The following SYN3 variants were observed in gnomAD, a reference collection of about 807,000 sequenced individuals.
The protein encoded by SYN3 is synapsin III, also known as synapsin-3.
SYN3 carries 35 observed loss-of-function variants against 65.8 expected under a neutral mutation model. The observed-to-expected ratio is 0.53, with a 90% CI of 0.41 to 0.70. SYN3 has a LOEUF of 0.70. Ranked by LOEUF, SYN3 falls within the 30% of genes least tolerant of loss-of-function variation. The pLI is 0.00. For synonymous variants in SYN3, 270 were observed against 292.9 expected, an observed-to-expected ratio of 0.92 and a Z score of 0.80; for missense variants, 680 against 749.0, an observed-to-expected ratio of 0.91 and a Z score of 1.08.
intron 6 of SYN3, among the ~76,000 whole-genome samples, chr22:32,785,390 C>T (rs1158253892): frequency 1.3e-5 from 2 of 152,156 alleles, no homozygotes; most frequent in Non-Finnish European, 2.9e-5. Flanking sequence ...GTCCCTCGTA[C>T]TTTCTTTTTG....
At position 32,679,839 on chromosome 22, in the gene SYN3, C is replaced by CTTTTTTTTT. The variant is rs747116076; in HGVS notation, c.712-83112_712-83104dup. ...AAACTGGGTGAGGTTTGTTTTTTGG[C>CTTTTTTTTT]TTTTTTTTTTTTTTTTTTTGCTATT... On this transcript the variant is annotated intron_variant, in intron 6 of 13. Transcript: ENST00000358763. Among the ~76,000 whole-genome samples, 78 of 39,140 alleles carry CTTTTTTTTT rather than the reference C, an allele frequency of 2.0e-3. 9 individuals are homozygous for CTTTTTTTTT. The highest frequency in any genetic ancestry group is 1.0e-2 in the East Asian group (11 of 1,104). 25.7% of individuals were successfully genotyped at this position (39,140 alleles called of 152,430 possible).
At chr22:32,818,761 C>G (rs1451998143) in intron 6 of SYN3, among the ~76,000 whole-genome samples, 5 of 152,174 alleles carry the variant, frequency 3.3e-5, no homozygotes, top group African/African-American at 1.2e-4. Context: ...CAGGATAAAA[C>G]TGCTTCCACC....
chr22:33,010,643 C>T lies in SYN3; in HGVS notation c.-162-3819G>A, dbSNP rs777704358. ...TCTGTCTCAAGATTGTCTTAGATAT[C>T]CTAGGTCCTATTTTCATATGCATTT... On this transcript the variant is annotated intron_variant, in intron 1 of 13. Transcript: ENST00000358763. Among the ~76,000 whole-genome samples the T allele has an allele frequency of 7.2e-5, 11 of 152,256 alleles. 1 individual carries two copies. The highest frequency in any genetic ancestry group is 3.9e-4 in the East Asian group (2 of 5,182).
intron 6 of SYN3, among the ~76,000 whole-genome samples, chr22:32,712,330 C>T (rs1016844983): frequency 6.6e-6 from 1 of 152,236 alleles, no homozygotes; most frequent in African/African-American, 2.4e-5. Flanking sequence ...GAACTTATCA[C>T]TATTTCAAAG....
chr22:32,710,979 G>T (rs2060956906), intron 6 of SYN3, among the ~76,000 whole-genome samples: 1 of 152,078 alleles, frequency 6.6e-6, no homozygotes, highest in African/African-American at 2.4e-5. Flanking sequence ...TCTATACCCT[G>T]CCTAACAGTG....
chr22:32,825,838 T>C (rs1265060355), intron 6 of SYN3, among the ~76,000 whole-genome samples: 3 of 152,126 alleles, frequency 2.0e-5, no homozygotes, highest in South Asian at 2.1e-4. Flanking sequence ...ATCTATGCAA[T>C]TGAAAACAAC....
chr22:32,970,560 GA>G lies in SYN3; in HGVS notation c.369+10084del, dbSNP rs920640512. Among the ~76,000 whole-genome samples the G allele has an allele frequency of 2.9e-5, 4 of 138,998 alleles. No individual in the cohort carries two copies. The South Asian group carries it at 6.8e-4, about 24-fold the overall frequency. 91.2% of individuals were successfully genotyped at this position (138,998 alleles called of 152,430 possible). The stretch of plus-strand genomic sequence containing the variant: ...CGAGACTCCATCTCAAAAAAAAAAA[GA>G]AAAAAAAAGGTAAAGACGGAGAGCT... On this transcript the variant is annotated intron_variant, in intron 3 of 13. Coordinates refer to ENST00000358763, the MANE Select transcript of SYN3 (RefSeq NM_003490.4).
chr22:32,802,224 A>G, intron 6 of SYN3: 1 of 1,470,710 alleles, frequency 6.8e-7, no homozygotes, highest in Non-Finnish European at 9.1e-7. Flanking sequence ...CTGCCCCAGG[A>G]GAGGGGCAGA....
chr22:32,935,234 C>T (rs2050737107), intron 3 of SYN3, among the ~76,000 whole-genome samples: 1 of 151,932 alleles, frequency 6.6e-6, no homozygotes, highest in Non-Finnish European at 1.5e-5. Flanking sequence ...ATTCACTTCA[C>T]CAAAAACATG....
intron 3 of SYN3, among the ~76,000 whole-genome samples, chr22:32,963,099 C>CA (rs1397360769): frequency 6.9e-6 from 1 of 145,804 alleles, no homozygotes; most frequent in Non-Finnish European, 1.5e-5. Flanking sequence ...TTTTTTGAGA[C>CA]ACAGTCTCAC....
intron 3 of SYN3, among the ~76,000 whole-genome samples, chr22:32,977,937 G>A (rs1156812734): frequency 6.6e-6 from 1 of 152,084 alleles, no homozygotes; most frequent in Non-Finnish European, 1.5e-5. Flanking sequence ...CACTCAAAAT[G>A]TGTGGCTAGA....
intron 6 of SYN3, among the ~76,000 whole-genome samples, chr22:32,603,181 T>A (rs1404215567): frequency 6.6e-6 from 1 of 151,910 alleles, no homozygotes; most frequent in Non-Finnish European, 1.5e-5. Flanking sequence ...ACTTTATGGA[T>A]GGTAGCATCC....
chr22:32,654,811 G>T (rs990422571), intron 6 of SYN3, among the ~76,000 whole-genome samples: 2 of 152,226 alleles, frequency 1.3e-5, no homozygotes, highest in African/African-American at 4.8e-5. Context: ...CTGGGCTGGG[G>T]CCAGGCTCCA....
At chr22:32,621,672 T>A (rs758354905) in intron 6 of SYN3, among the ~76,000 whole-genome samples, 2 of 152,164 alleles carry the variant, frequency 1.3e-5, no homozygotes, top group African/African-American at 4.8e-5. Flanking sequence ...AGGGGGTGCC[T>A]TTTACCTACC....
intron 6 of SYN3, among the ~76,000 whole-genome samples, chr22:32,734,513 G>GCAGGCAGGCAGACAGA (rs1555941120): frequency 0.034 from 5,183 of 151,394 alleles, 177 homozygotes; most frequent in African/African-American, 0.078. Context: ...AGGCAGGCAG[G>GCAGGCAGGCAGACAGA]CAGACAGACA....
intron 6 of SYN3, among the ~76,000 whole-genome samples, chr22:32,775,351 A>G (rs1432554305): frequency 2.6e-5 from 4 of 152,150 alleles, no homozygotes; most frequent in Non-Finnish European, 5.9e-5. Flanking sequence ...TGAGGCTTCA[A>G]CATGAATTTT....
chr22:32,799,979 G>A (rs2046524810), intron 6 of SYN3, among the ~76,000 whole-genome samples: 1 of 152,208 alleles, frequency 6.6e-6, no homozygotes, highest in Non-Finnish European at 1.5e-5. Context: ...CAGTTAGAGT[G>A]AAGGCAGGGA....
chr22:33,028,668 T>G, intron 1 of SYN3, among the ~76,000 whole-genome samples: 2 of 87,434 alleles, frequency 2.3e-5, no homozygotes, highest in South Asian at 3.5e-4. Flanking sequence ...GTGGTGGTGG[T>G]GGTGGTGGTG....
intron 6 of SYN3, among the ~76,000 whole-genome samples, chr22:32,748,275 G>A (rs185512847): frequency 5.3e-5 from 8 of 152,192 alleles, no homozygotes; most frequent in African/African-American, 1.9e-4. Context: ...TCAAGAGAGG[G>A]TGGCCCAGGA....
Sources: gnomAD v4.1 joint callset for allele counts (sites outside exome capture counted in the v4.1 genomes callset) on GRCh38, gnomAD v4.1.1 for gene constraint, MANE v1.5 for transcripts, NCBI Gene and HGNC (gene_info 2026-07-23, HGNC 2026-07-21) for gene names.